Variants in ARHGAP15 observed in about 807,000 individuals in gnomAD.
ARHGAP15 encodes rho GTPase-activating protein 15.
Under a neutral mutation model 63.7 loss-of-function variants are expected in ARHGAP15, and 51 were observed. That is an observed-to-expected ratio of 0.80 (90% CI 0.64 to 1.01). The LOEUF (loss-of-function observed/expected upper bound fraction) is 1.01, where lower values mean the gene tolerates loss of function less well. ARHGAP15 is among the 50% of genes least tolerant of loss of function. The pLI, the probability that ARHGAP15 is intolerant of heterozygous loss-of-function variation, is 0.00. For synonymous variants in ARHGAP15, 191 were observed against 193.8 expected (o/e 0.99, Z 0.12); for missense variants, 560 against 564.6 (o/e 0.99, Z 0.08).
intron 10 of ARHGAP15, among the ~76,000 whole-genome samples, chr2:143,552,760 A>G (rs1274548635): frequency 6.6e-6 from 1 of 152,198 alleles, no homozygotes; most frequent in African/African-American, 2.4e-5. Flanking sequence ...AAAATAAAAA[A>G]TAAAATGACT....
intron 9 of ARHGAP15, among the ~76,000 whole-genome samples, chr2:143,507,980 T>A (rs1693398908): frequency 6.6e-6 from 1 of 151,426 alleles, no homozygotes; most frequent in South Asian, 2.1e-4. Flanking sequence ...AAATCTAGGC[T>A]TCACACGGCA....
intron 6 of ARHGAP15, among the ~76,000 whole-genome samples, chr2:143,313,212 T>C (rs1005024534): frequency 1.2e-4 from 18 of 152,030 alleles, no homozygotes; most frequent in Non-Finnish European, 1.5e-4. Context: ...GAACAATAAA[T>C]AAACAGGAAG....
At chr2:143,392,122 A>G (rs901596235) in intron 6 of ARHGAP15, among the ~76,000 whole-genome samples, 1 of 152,184 alleles carries the variant, frequency 6.6e-6, no homozygotes, top group African/African-American at 2.4e-5. Flanking sequence ...AGTAACTCCA[A>G]TCTATTACAT....
intron 1 of ARHGAP15, among the ~76,000 whole-genome samples, chr2:143,142,972 A>G (rs886447651): frequency 6.6e-6 from 1 of 152,130 alleles, no homozygotes; most frequent in Non-Finnish European, 1.5e-5. Flanking sequence ...ATATTTATGC[A>G]TTTTTTACTT....
At chr2:143,654,757 TC>T (rs1681347612) in intron 12 of ARHGAP15, among the ~76,000 whole-genome samples, 1 of 152,164 alleles carries the variant, frequency 6.6e-6, no homozygotes, top group African/African-American at 2.4e-5. Flanking sequence ...CTAAACTACC[TC>T]TATGTATATT....
intron 5 of ARHGAP15, among the ~76,000 whole-genome samples, chr2:143,235,782 A>G (rs1222597679): frequency 6.6e-6 from 1 of 152,228 alleles, no homozygotes; most frequent in Non-Finnish European, 1.5e-5. Context: ...AGTACTAGAG[A>G]ATCAGGAGTT....
At chr2:143,684,074 T>A (rs1027756451) in intron 12 of ARHGAP15, among the ~76,000 whole-genome samples, 9 of 69,134 alleles carry the variant, frequency 1.3e-4, no homozygotes, top group African/African-American at 3.7e-4. Flanking sequence ...TGCACACATT[T>A]ATCTCCTAAA....
intron 11 of ARHGAP15, among the ~76,000 whole-genome samples, chr2:143,575,401 G>A (rs1257946816): frequency 1.3e-5 from 2 of 152,098 alleles, no homozygotes; most frequent in African/African-American, 2.4e-5. Context: ...TAACTAAAAT[G>A]AGGAAAATGT....
At chr2:143,165,976 A>AAGAG (rs1690493090) in intron 2 of ARHGAP15, among the ~76,000 whole-genome samples, 1 of 135,486 alleles carries the variant, frequency 7.4e-6, no homozygotes, top group African/African-American at 2.9e-5. Flanking sequence ...GAAAGAAAGA[A>AAGAG]AGAAAGAAAG....
Position 143,375,300 on chromosome 2 carries a change from C to T in ARHGAP15, c.475-60301C>T, listed in dbSNP as rs11884434. Among the ~76,000 whole-genome samples, 149 of 152,232 alleles carry T rather than the reference C, an allele frequency of 9.8e-4. 1 individual carries two copies. Among genetic ancestry groups the T allele is most frequent in the African/African-American group, 3.4e-3 (141 of 41,540 alleles). On this transcript the variant is annotated intron_variant, in intron 6 of 13. Coordinates refer to ENST00000295095, the MANE Select transcript of ARHGAP15 (RefSeq NM_018460.4). ...TCAATAGAAATGTCATTGGCCTCCC[C>T]TCCTCTCTTCACCTCTCATTCTGCC...
intron 4 of ARHGAP15, among the ~76,000 whole-genome samples, chr2:143,217,864 G>T (rs528561603): frequency 1.8e-3 from 280 of 152,300 alleles, no homozygotes; most frequent in African/African-American, 6.6e-3. Context: ...GGAGAATAGA[G>T]GTGACAGCAT....
At chr2:143,623,371 C>A (rs913115405) in intron 11 of ARHGAP15, among the ~76,000 whole-genome samples, 1 of 152,176 alleles carries the variant, frequency 6.6e-6, no homozygotes, top group African/African-American at 2.4e-5. Context: ...CTCACTCAAG[C>A]TTCCCAAGCA....
At chr2:143,719,722 C>T (rs1166479269) in intron 13 of ARHGAP15, among the ~76,000 whole-genome samples, 2 of 152,124 alleles carry the variant, frequency 1.3e-5, no homozygotes, top group African/African-American at 4.8e-5. Flanking sequence ...TTTACATGTC[C>T]TACTATATTT....
chr2:143,427,325 C>T (rs1472366418), intron 6 of ARHGAP15, among the ~76,000 whole-genome samples: 6 of 152,112 alleles, frequency 3.9e-5, no homozygotes, highest in African/African-American at 1.4e-4. Flanking sequence ...AAATTAACAA[C>T]GTAACTACTA....
At chr2:143,329,564 A>AAG (rs1214995444) in intron 6 of ARHGAP15, among the ~76,000 whole-genome samples, 1 of 152,126 alleles carries the variant, frequency 6.6e-6, no homozygotes, top group Non-Finnish European at 1.5e-5. Context: ...TGAGATCTCA[A>AAG]AGAGAGGACC....
chr2:143,687,714 T>C (rs1197450285), intron 12 of ARHGAP15, among the ~76,000 whole-genome samples: 2 of 152,230 alleles, frequency 1.3e-5, no homozygotes, highest in Admixed American at 6.5e-5. Context: ...TCTTTTGGCA[T>C]AGACCAAACT....
intron 11 of ARHGAP15, among the ~76,000 whole-genome samples, chr2:143,609,330 C>T (rs891217583): frequency 3.9e-5 from 6 of 152,142 alleles, no homozygotes; most frequent in Non-Finnish European, 8.8e-5. Context: ...GTACAAAATA[C>T]ATGCAGCATC....
chr2:143,633,611 C>A (rs1219239538), intron 12 of ARHGAP15, among the ~76,000 whole-genome samples: 1 of 152,150 alleles, frequency 6.6e-6, no homozygotes, highest in Admixed American at 6.6e-5. Flanking sequence ...GAGCAACCAG[C>A]CAGGCAGCCT....
intron 11 of ARHGAP15, among the ~76,000 whole-genome samples, chr2:143,616,393 T>C (rs866385459): frequency 4.0e-4 from 61 of 152,146 alleles, no homozygotes; most frequent in Admixed American, 1.9e-3. Flanking sequence ...CTGGATAGAG[T>C]AGAAGACCGT....
Sources: gnomAD v4.1 joint callset for allele counts (sites outside exome capture counted in the v4.1 genomes callset) on GRCh38, gnomAD v4.1.1 for gene constraint, MANE v1.5 for transcripts, NCBI Gene and HGNC (gene_info 2026-07-23, HGNC 2026-07-21) for gene names.